Variants in ARL15 observed in about 807,000 individuals in gnomAD.
ARL15 encodes the protein ARF like GTPase 15, also known as ADP-ribosylation factor-like protein 15.
Under a neutral mutation model 25.2 loss-of-function variants are expected in ARL15, and 19 were observed. The ratio of observed to expected loss-of-function variants is 0.75; its 90% CI spans 0.53 to 1.10. ARL15 has a LOEUF of 1.10. Among genes scored for constraint, ARL15 ranks in the 50% least tolerant of loss-of-function variants. The pLI is 0.00. For missense variants in ARL15, 220 were observed against 246.0 expected, an observed-to-expected ratio of 0.89 and a Z score of 0.71; for synonymous variants, 94 against 86.8, an observed-to-expected ratio of 1.08 and a Z score of -0.46.
chr5:54,229,416 T>C (rs368461765), intron 1 of ARL15, among the ~76,000 whole-genome samples: 5 of 152,240 alleles, frequency 3.3e-5, no homozygotes, highest in African/African-American at 1.2e-4. Flanking sequence ...GGTACCTGCA[T>C]CAGAATCAGA....
Position 54,287,530 on chromosome 5 carries a change from T to C in ARL15, c.48+22902A>G, listed in dbSNP as rs552385810. Reference sequence around the variant, plus strand: ...AGTGAAAGCAAGAAACATCCCATAATGCGCAAGCATCTGAGGGCTGCTAAT... The same window carrying C: ...AGTGAAAGCAAGAAACATCCCATAACGCGCAAGCATCTGAGGGCTGCTAAT... On this transcript the variant is annotated intron_variant, in intron 1 of 4. Transcript: ENST00000504924. 8.4e-4 allele frequency among the ~76,000 whole-genome samples: 128 copies of C among 151,508 alleles called. 1 individual carries two copies. Among genetic ancestry groups the C allele is most frequent in the Non-Finnish European group, 1.4e-3 (96 of 67,920 alleles).
chr5:54,141,648 T>C (rs868297765), intron 3 of ARL15, among the ~76,000 whole-genome samples: 1 of 152,286 alleles, frequency 6.6e-6, no homozygotes, highest in Middle Eastern at 3.4e-3. Flanking sequence ...ATAATAAGTA[T>C]ATCCAGCACC....
At chr5:54,202,556 A>G (rs1418357033) in intron 1 of ARL15, among the ~76,000 whole-genome samples, 4 of 152,206 alleles carry the variant, frequency 2.6e-5, no homozygotes, top group African/African-American at 9.6e-5. Context: ...AGCCTGGCTG[A>G]CATCTTAGTT....
At chr5:54,294,801 AT>A (rs1176600551) in intron 1 of ARL15, among the ~76,000 whole-genome samples, 2 of 152,238 alleles carry the variant, frequency 1.3e-5, no homozygotes, top group Non-Finnish European at 2.9e-5. Flanking sequence ...GCTACTGCTT[AT>A]TGTCTTAATA....
chr5:54,109,161 T>C lies in ARL15; in HGVS notation c.462+4041A>G, dbSNP rs909060785. On this transcript the variant is annotated intron_variant, in intron 4 of 4. Transcript: ENST00000504924. ...TTTAACTTTAATGTTGACACCCTAA[T>C]TTAGAAGCTGTATTTTCCTGTGTTA... 7.9e-5 allele frequency among the ~76,000 whole-genome samples: 12 copies of C among 152,110 alleles called. No individual in the cohort carries two copies. The South Asian group carries it at 1.2e-3, about 16-fold the overall frequency.
At chr5:54,052,649 A>C (rs923354230) in intron 4 of ARL15, among the ~76,000 whole-genome samples, 3 of 152,208 alleles carry the variant, frequency 2.0e-5, no homozygotes, top group Non-Finnish European at 4.4e-5. Flanking sequence ...AATGAATTAG[A>C]GCTGAAGACC....
intron 4 of ARL15, among the ~76,000 whole-genome samples, chr5:53,950,688 A>G (rs1462020781): frequency 6.6e-6 from 1 of 151,820 alleles, no homozygotes; most frequent in Non-Finnish European, 1.5e-5. Flanking sequence ...TTTTTTTCTC[A>G]GCAAAGTTCA....
At chr5:54,082,605 C>A (rs1010291122) in intron 4 of ARL15, among the ~76,000 whole-genome samples, 3 of 152,142 alleles carry the variant, frequency 2.0e-5, no homozygotes, top group Admixed American at 6.5e-5. Flanking sequence ...CTAATCAACT[C>A]CTACCAAGAT....
chr5:54,144,420 T>C (rs538005770), intron 3 of ARL15, among the ~76,000 whole-genome samples: 156 of 152,284 alleles, frequency 1.0e-3, no homozygotes, highest in African/African-American at 3.7e-3. Flanking sequence ...CTAATTTATA[T>C]GTGAGTTGTA....
At chr5:54,153,669 T>C (rs1039393559) in intron 3 of ARL15, among the ~76,000 whole-genome samples, 4 of 152,266 alleles carry the variant, frequency 2.6e-5, no homozygotes, top group African/African-American at 4.8e-5. Flanking sequence ...GTCCTACACA[T>C]AGCGAACTGA....
At chr5:53,890,534 G>A (rs1308049172) in intron 4 of ARL15, among the ~76,000 whole-genome samples, 1 of 152,200 alleles carries the variant, frequency 6.6e-6, no homozygotes, top group Non-Finnish European at 1.5e-5. Flanking sequence ...ATTGGCCTTT[G>A]GAGACGGCAC....
At chr5:54,174,180 A>AT (rs1270005778) in intron 1 of ARL15, among the ~76,000 whole-genome samples, 2 of 152,166 alleles carry the variant, frequency 1.3e-5, no homozygotes, top group African/African-American at 4.8e-5. Flanking sequence ...CCCTCAGCAG[A>AT]TAATTGTTGA....
At chr5:53,914,968 G>A (rs1317018710) in intron 4 of ARL15, among the ~76,000 whole-genome samples, 5 of 152,244 alleles carry the variant, frequency 3.3e-5, no homozygotes, top group Non-Finnish European at 5.9e-5. Flanking sequence ...GTGCCAGCAC[G>A]CCCAGCTAAT....
chr5:53,911,824 A>G (rs1360338336), intron 4 of ARL15, among the ~76,000 whole-genome samples: 1 of 151,988 alleles, frequency 6.6e-6, no homozygotes, highest in Non-Finnish European at 1.5e-5. Flanking sequence ...ATCCAACAAC[A>G]CTCTCCAAAA....
At chr5:54,256,826 G>A (rs1040190787) in intron 1 of ARL15, among the ~76,000 whole-genome samples, 1 of 148,790 alleles carries the variant, frequency 6.7e-6, no homozygotes, top group African/African-American at 2.6e-5. Flanking sequence ...CATAAACAGA[G>A]CTGTAAAAAA....
At chr5:54,146,740 A>G (rs1421253033) in intron 3 of ARL15, among the ~76,000 whole-genome samples, 1 of 152,208 alleles carries the variant, frequency 6.6e-6, no homozygotes, top group African/African-American at 2.4e-5. Context: ...TCAGAGGCAC[A>G]TGAGATCCTC....
chr5:53,950,258 G>A lies in ARL15; in HGVS notation c.463-63545C>T, dbSNP rs144554428. 5.1e-3 allele frequency among the ~76,000 whole-genome samples: 729 copies of A among 141,886 alleles called. 7 individuals are homozygous for A. Among genetic ancestry groups the A allele is most frequent in the African/African-American group, 0.016 (616 of 39,606 alleles). 93.1% of individuals were successfully genotyped at this position (141,886 alleles called of 152,430 possible). A position where few individuals can be genotyped will look rare whatever the true frequency, so the allele number is the denominator to read the frequency against. ...AGCCAGGGCAACACAGTAAAACCTC[G>A]TTTCTACAAAAATTAAAAAAAAAAA... On this transcript the variant is annotated intron_variant, in intron 4 of 4. Coordinates refer to ENST00000504924, the MANE Select transcript of ARL15 (RefSeq NM_019087.3).
chr5:54,117,364 GACACATACACAC>G (rs1314147214), intron 3 of ARL15, among the ~76,000 whole-genome samples: 2 of 90,982 alleles, frequency 2.2e-5, no homozygotes, highest in African/African-American at 6.4e-5. Flanking sequence ...CAAATAGTGA[GACACATACACAC>G]ACACACACAC....
chr5:53,974,480 C>T (rs535295098), intron 4 of ARL15, among the ~76,000 whole-genome samples: 4 of 152,136 alleles, frequency 2.6e-5, no homozygotes, highest in African/African-American at 9.7e-5. Flanking sequence ...AGTTTCTCTG[C>T]GCTCACTGTT....
Sources: gnomAD v4.1 joint callset for allele counts (sites outside exome capture counted in the v4.1 genomes callset) on GRCh38, gnomAD v4.1.1 for gene constraint, MANE v1.5 for transcripts, NCBI Gene and HGNC (gene_info 2026-07-23, HGNC 2026-07-21) for gene names.